CEACAM4: variants seen among roughly 807,000 people sequenced by gnomAD.
The protein encoded by CEACAM4 is cell adhesion molecule CEACAM4.
In CEACAM4, 30 loss-of-function variants were observed where a neutral mutation model predicts 28.7. The ratio of observed to expected loss-of-function variants is 1.05; its 90% confidence interval spans 0.78 to 1.42. CEACAM4 has a LOEUF of 1.42. CEACAM4 is among the 40% of genes most tolerant of loss of function. CEACAM4 has a pLI of 0.00. For synonymous variants in CEACAM4, 143 were observed against 126.5 expected, an observed-to-expected ratio of 1.13 and a Z score of -0.87; for missense variants, 330 against 308.2, an observed-to-expected ratio of 1.07 and a Z score of -0.53.
At chr19:41,620,367 T>C in intron 4 of CEACAM4, 125 bp from the exon 5 acceptor site, 3 of 976,560 alleles carry the variant, frequency 3.1e-6, no homozygotes, top group Non-Finnish European at 4.4e-6. Context: ...AGGGGAGACC[T>C]GAGCAGCTGA....
chr19:41,625,781 AAC>A lies in CEACAM4; in HGVS notation c.242_243del (p.Gly81ValfsTer51), dbSNP rs1555803719. 2 of 1,613,932 alleles carry A rather than the reference AAC, an allele frequency of 1.2e-6. No homozygotes were observed. The highest frequency in any genetic ancestry group is 2.2e-5 in the South Asian group (2 of 91,076). On this transcript the variant is annotated frameshift_variant, in exon 2 of 7. Coordinates refer to ENST00000221954, the MANE Select transcript of CEACAM4 (RefSeq NM_001817.4). LOFTEE classifies it high-confidence loss of function. ...ATATTTGCTTGAATGTCTGTTATAT[AAC>A]CAGCAATGAGAGGGCTCCCTTCTGC... is the stretch of plus-strand genomic sequence containing the variant. ...KTAEGSPLIA[G>X]YITDIQANIP...
At chr19:41,623,823 A>G (rs1363976780) in intron 2 of CEACAM4, among the ~76,000 whole-genome samples, 2 of 151,740 alleles carry the variant, frequency 1.3e-5, no homozygotes, top group African/African-American at 4.8e-5. Flanking sequence ...CTTTTTTTCT[A>G]CTCCCCAGAA....
At chr19:41,614,462 T>A (rs1283403768), downstream of CEACAM4, among the ~76,000 whole-genome samples, 1 of 152,208 alleles carries the variant, frequency 6.6e-6, no homozygotes, top group African/African-American at 2.4e-5. Context: ...TGCAGTCCCA[T>A]CAGAAGTATA....
rs374967615 is a variant in CEACAM4, at chr19:41,619,296, T to C, written c.*34A>G. 2.5e-6 allele frequency: 4 copies of C among 1,588,760 alleles called. No individual in the cohort carries two copies. In the African/African-American group the frequency reaches 4.0e-5, roughly 16 times the overall value. Reference sequence around the variant, plus strand: ...CCAGGGCTGGGAGCTTCGGGGACGCTCCATCAACCCACAAGAGCAGCTCCC... The same window carrying C: ...CCAGGGCTGGGAGCTTCGGGGACGCCCCATCAACCCACAAGAGCAGCTCCC... On this transcript the variant is annotated 3_prime_UTR_variant, in exon 7 of 7. Coordinates refer to ENST00000221954, the MANE Select transcript of CEACAM4 (RefSeq NM_001817.4).
At chr19:41,614,120 C>T (rs1280000487), downstream of CEACAM4, among the ~76,000 whole-genome samples, 1 of 152,172 alleles carries the variant, frequency 6.6e-6, no homozygotes, top group Non-Finnish European at 1.5e-5. Flanking sequence ...GGTTCCATTG[C>T]ATGGCTACAC....
downstream of CEACAM4, chr19:41,618,836 G>A (rs1338868994): frequency 1.9e-5 from 3 of 156,384 alleles, no homozygotes; most frequent in African/African-American, 7.2e-5. Flanking sequence ...TGTGAATCTT[G>A]CCCTTTCCTG....
chr19:41,626,247 C>T (rs906206950), intron 1 of CEACAM4, among the ~76,000 whole-genome samples: 1 of 152,122 alleles, frequency 6.6e-6, no homozygotes, highest in Non-Finnish European at 1.5e-5. Flanking sequence ...ATCCTGCTCA[C>T]ATCAGGGTGT....
chr19:41,618,528 T>C (rs542225061), downstream of CEACAM4, among the ~76,000 whole-genome samples: 2 of 152,212 alleles, frequency 1.3e-5, no homozygotes, highest in South Asian at 4.1e-4. Flanking sequence ...GATCCTGGAT[T>C]TGGGGACAGG....
chr19:41,622,855 TAG>T (rs58024363), intron 2 of CEACAM4, among the ~76,000 whole-genome samples: 3,407 of 108,602 alleles, frequency 0.031, 129 homozygotes, highest in African/African-American at 0.14. Flanking sequence ...TACATATATA[TAG>T]ATAGATAGAT....
At chr19:41,619,552 C>T in intron 6 of CEACAM4, 118 bp downstream of exon 6, 1 of 1,545,932 alleles carries the variant, frequency 6.5e-7, no homozygotes. Context: ...CTGCTCACCA[C>T]CACCTGTTCT....
chr19:41,613,957 G>A, the CEACAM4 span, among the ~76,000 whole-genome samples: 2 of 152,206 alleles, frequency 1.3e-5, no homozygotes, highest in Non-Finnish European at 1.5e-5. Context: ...AAATACTTTC[G>A]ATGCATTCTT....
rs1266293495 is a variant in CEACAM4, at chr19:41,620,223, T to C, written c.615A>G (p.Arg205=). The C allele has an allele frequency of 4.7e-6, 7 of 1,483,784 alleles. No individual in the cohort carries two copies. The highest frequency in any genetic ancestry group is 1.8e-4 in the Middle Eastern group (1 of 5,620). The allele number at this position is 1,483,784 out of a possible 1,614,324, so 91.9% of individuals were successfully genotyped here. ...ASTPGHGPSH[R]STFSAPLPSP... ...GGAACAGGCTTACCGAGAAGGTGGA[T>C]CTGTGAGAGGGACCATGGCCTGGGG... Residue 205 remains arginine (R), a synonymous_variant, in exon 5 of 7, where the codon AGA becomes AGG. Coordinates refer to ENST00000221954, the MANE Select transcript of CEACAM4 (RefSeq NM_001817.4).
Position 41,625,930 on chromosome 19 carries a change from G to A in CEACAM4, c.95C>T (p.Thr32Ile). ...GGCTTCAATAGTGAACTGGACAGTG[G>A]TGGGCGGGTGCCAGAAGGTTAAAAG... ...ASLLTFWHPP[T>I]TVQFTIEALP... is the part of the protein sequence containing the mutation. The change falls in exon 2 of 7, where the codon ACC becomes ATC. Residue 32 changes from threonine (T) to isoleucine (I), a missense_variant. Physicochemically the swap from Thr to Ile is moderately conservative, Grantham distance 89. Coordinates refer to ENST00000221954, the MANE Select transcript of CEACAM4 (RefSeq NM_001817.4). The A allele has an allele frequency of 1.2e-6, 2 of 1,613,148 alleles. No individual in the cohort carries two copies. Among genetic ancestry groups the A allele is most frequent in the Non-Finnish European group, 1.7e-6 (2 of 1,179,426 alleles).
intron 1 of CEACAM4, 57 bp downstream of exon 1, chr19:41,626,843 C>A (rs1600394487): frequency 1.1e-5 from 16 of 1,513,184 alleles, no homozygotes; most frequent in Non-Finnish European, 1.3e-5. Flanking sequence ...ACCCAAGAGA[C>A]CCCAGTCAGT....
intron 5 of CEACAM4, 69 bp downstream of exon 5, chr19:41,620,142 G>T: frequency 7.4e-7 from 1 of 1,359,328 alleles, no homozygotes; most frequent in Non-Finnish European, 9.9e-7. Context: ...TGGGGTTGAT[G>T]GTCCCCCTGC....
In CEACAM4 at chr19:41,619,288, G is replaced by T. The variant is rs374469622; in HGVS notation, c.*42C>A. The T allele has an allele frequency of 2.0e-5, 31 of 1,546,866 alleles. No individual in the cohort carries two copies. The highest frequency in any genetic ancestry group is 2.7e-5 in the Non-Finnish European group (30 of 1,119,526). ...CCCCGTCCCCAGGGCTGGGAGCTTC[G>T]GGGACGCTCCATCAACCCACAAGAG... On this transcript the variant is annotated 3_prime_UTR_variant, in exon 7 of 7. Coordinates refer to ENST00000221954, the MANE Select transcript of CEACAM4 (RefSeq NM_001817.4).
At chr19:41,623,053 G>T (rs1351840938) in intron 2 of CEACAM4, among the ~76,000 whole-genome samples, 2 of 152,156 alleles carry the variant, frequency 1.3e-5, no homozygotes, top group African/African-American at 4.8e-5. Context: ...ATCTCGCTCT[G>T]TTGCCCAGGC....
rs201784352 is a variant in CEACAM4 at position 41,622,853 on chromosome 19, T to TATATATAG, written c.425-1086_425-1085insCTATATAT. Among the ~76,000 whole-genome samples the TATATATAG allele has an allele frequency of 1.2e-3, 160 of 132,330 alleles. 1 individual carries two copies. Among genetic ancestry groups the TATATATAG allele is most frequent in the African/African-American group, 1.3e-3 (41 of 32,328 alleles). 86.8% of individuals were successfully genotyped at this position (132,330 alleles called of 152,430 possible). A position where few individuals can be genotyped will look rare whatever the true frequency, so the allele number is the denominator to read the frequency against. On this transcript the variant is annotated intron_variant, in intron 2 of 6. Coordinates refer to ENST00000221954, the MANE Select transcript of CEACAM4 (RefSeq NM_001817.4). The stretch of plus-strand genomic sequence containing the variant: ...GATCTCTAGCATATATATACATATA[T>TATATATAG]ATAGATAGATAGATAGATAGATAGA...
At chr19:41,620,155 T>G in intron 5 of CEACAM4, 56 bp downstream of exon 5, 1 of 1,441,500 alleles carries the variant, frequency 6.9e-7, no homozygotes, top group Non-Finnish European at 9.3e-7. Context: ...CCCCCTGCCC[T>G]GAGCCTGCAC....
Sources: allele counts gnomAD v4.1 joint callset (sites outside exome capture counted in the v4.1 genomes callset), GRCh38; gene constraint gnomAD v4.1.1; transcripts MANE v1.5; gene names NCBI Gene and HGNC (gene_info 2026-07-23, HGNC 2026-07-21).